PPP6R2: variants seen among roughly 807,000 people sequenced by gnomAD.
PPP6R2 encodes the protein protein phosphatase 6 regulatory subunit 2, also known as serine/threonine-protein phosphatase 6 regulatory subunit 2.
PPP6R2 carries 62 observed loss-of-function variants against 100.2 expected under a neutral mutation model. That is an observed-to-expected ratio of 0.62 (90% CI 0.50 to 0.76). PPP6R2 has a LOEUF of 0.76. Ranked by LOEUF, PPP6R2 falls within the 30% of genes least tolerant of loss-of-function variation. PPP6R2 has a pLI of 0.00. For synonymous variants in PPP6R2, 525 were observed against 514.7 expected (o/e 1.02, Z -0.27); for missense variants, 1,142 against 1,276.3 (o/e 0.89, Z 1.60).
At chr22:50,352,339 C>G (rs2045483663) in intron 1 of PPP6R2, among the ~76,000 whole-genome samples, 2 of 152,188 alleles carry the variant, frequency 1.3e-5, no homozygotes, top group South Asian at 2.1e-4. Flanking sequence ...TCTTCTGCAG[C>G]TTCGTCATCT....
chr22:50,356,958 C>T (rs1249574086), intron 1 of PPP6R2, among the ~76,000 whole-genome samples: 1 of 151,582 alleles, frequency 6.6e-6, no homozygotes, highest in Non-Finnish European at 1.5e-5. Context: ...AAAGCAAAAA[C>T]AAAACTTCCA....
chr22:50,432,555 C>T (rs937571631), intron 12 of PPP6R2, among the ~76,000 whole-genome samples: 16 of 152,158 alleles, frequency 1.1e-4, no homozygotes, highest in Non-Finnish European at 1.8e-4. Context: ...CGACAGGAAG[C>T]GGTCCCGTCC....
At chr22:50,400,100 G>A (rs535093445) in intron 3 of PPP6R2, among the ~76,000 whole-genome samples, 108 of 152,342 alleles carry the variant, frequency 7.1e-4, no homozygotes, top group Non-Finnish European at 1.3e-3. Flanking sequence ...CACCCAGTGG[G>A]AAGCAGCAGT....
At chr22:50,402,192 T>C (rs2058156963) in intron 3 of PPP6R2, among the ~76,000 whole-genome samples, 2 of 152,208 alleles carry the variant, frequency 1.3e-5, no homozygotes, top group African/African-American at 4.8e-5. Flanking sequence ...CACCACAGCT[T>C]AGAGGCCACT....
intron 22 of PPP6R2, chr22:50,443,568 A>G (rs1004172157): frequency 4.4e-6 from 2 of 454,830 alleles, no homozygotes. Flanking sequence ...ATAGCACAGG[A>G]GGCTCTGGGG....
chr22:50,334,096 A>T, the PPP6R2 span, among the ~76,000 whole-genome samples: 1 of 152,264 alleles, frequency 6.6e-6, no homozygotes, highest in African/African-American at 2.4e-5. Flanking sequence ...ACAGGGCGGA[A>T]CATGAAAGTG....
chr22:50,350,586 C>T (rs1480841785), intron 1 of PPP6R2, among the ~76,000 whole-genome samples: 1 of 151,798 alleles, frequency 6.6e-6, no homozygotes, highest in Non-Finnish European at 1.5e-5. Flanking sequence ...TGGCTCACGC[C>T]TGTAATCCCA....
At chr22:50,350,202 C>T (rs2044724395) in intron 1 of PPP6R2, among the ~76,000 whole-genome samples, 1 of 152,140 alleles carries the variant, frequency 6.6e-6, no homozygotes, top group Non-Finnish European at 1.5e-5. Context: ...TGCAGCAATT[C>T]AGTCACATCT....
intron 2 of PPP6R2, among the ~76,000 whole-genome samples, chr22:50,391,446 A>AAAG (rs2055516982): frequency 6.6e-6 from 1 of 151,270 alleles, no homozygotes; most frequent in South Asian, 2.1e-4. Flanking sequence ...AAAAAAAAAA[A>AAAG]AAAAAAAAAA....
At chr22:50,375,832 A>ATGTTTTTTTTTT (rs2051383369) in intron 2 of PPP6R2, among the ~76,000 whole-genome samples, 1 of 64,562 alleles carries the variant, frequency 1.5e-5, no homozygotes, top group East Asian at 4.7e-4. Flanking sequence ...ATCCCTGCAG[A>ATGTTTTTTTTTT]TTTTTTTTTT....
At chr22:50,440,313 G>A (rs1006298629) in intron 21 of PPP6R2, among the ~76,000 whole-genome samples, 2 of 152,248 alleles carry the variant, frequency 1.3e-5, no homozygotes, top group Admixed American at 6.5e-5. Flanking sequence ...CTGCACCCTG[G>A]ATTCCGGACA....
At chr22:50,405,495 A>G (rs112695819) in intron 3 of PPP6R2, among the ~76,000 whole-genome samples, 108 of 26,274 alleles carry the variant, frequency 4.1e-3, no homozygotes, top group East Asian at 6.4e-3. Flanking sequence ...GGCCTGGCAG[A>G]CGAGTGTGAA....
chr22:50,439,630 G>A (rs1372246319), intron 19 of PPP6R2, 71 bp from the exon 20 acceptor site: 2 of 1,445,620 alleles, frequency 1.4e-6, no homozygotes, highest in African/African-American at 2.9e-5. Context: ...CGGGGCAGGG[G>A]CGCTGCCTCC....
In PPP6R2 at chr22:50,418,932, G is replaced by C. The variant is rs767534916; in HGVS notation, c.684G>C (p.Gln228His). The C allele has an allele frequency of 1.5e-5, 24 of 1,613,836 alleles. No individual in the cohort carries two copies. The East Asian group carries it at 5.1e-4, about 34-fold the overall frequency. ...IVRLGRDQGS[Q>H]LQEALEPDPL... ...GGCTGGGCAGAGACCAGGGCAGTCAGCTGCAAGAGGCTCTGGAGCCAGACC... is the reference window on the plus strand; with the variant it reads ...GGCTGGGCAGAGACCAGGGCAGTCACCTGCAAGAGGCTCTGGAGCCAGACC... Residue 228 changes from glutamine (Q) to histidine (H), a missense_variant, in exon 7 of 24, where the codon CAG becomes CAC. Coordinates refer to ENST00000612753, the MANE Select transcript of PPP6R2 (RefSeq NM_001242898.2).
chr22:50,387,901 G>T (rs76136674), intron 2 of PPP6R2, among the ~76,000 whole-genome samples: 2,974 of 152,290 alleles, frequency 0.02, 108 homozygotes, highest in African/African-American at 0.068. Context: ...TCCCCACAGG[G>T]GATGTCGATG....
intron 11 of PPP6R2, 84 bp from the exon 12 acceptor site, chr22:50,432,181 G>A (rs1054991991): frequency 2.7e-5 from 35 of 1,289,944 alleles, no homozygotes; most frequent in Non-Finnish European, 3.8e-5. Flanking sequence ...CCGCCAGCCA[G>A]CCCTGCCCAG....
intron 10 of PPP6R2, among the ~76,000 whole-genome samples, chr22:50,424,593 G>A (rs2061808659): frequency 6.7e-6 from 1 of 148,830 alleles, no homozygotes; most frequent in Non-Finnish European, 1.5e-5. Context: ...CATCAGGGAA[G>A]CAATTACAAA....
intron 2 of PPP6R2, among the ~76,000 whole-genome samples, chr22:50,390,520 G>A (rs978119104): frequency 1.3e-5 from 2 of 152,084 alleles, no homozygotes; most frequent in Admixed American, 6.6e-5. Flanking sequence ...CAGGCCAGGC[G>A]TGGTGGTTCA....
At chr22:50,422,208 C>T in intron 8 of PPP6R2, 46 bp from the exon 9 acceptor site, 8 of 1,589,406 alleles carry the variant, frequency 5.0e-6, no homozygotes, top group Non-Finnish European at 6.9e-6. Flanking sequence ...TGAGGTTGGA[C>T]AGGGTCCTGG....
Sources: gnomAD v4.1 joint callset for allele counts (sites outside exome capture counted in the v4.1 genomes callset) on GRCh38, gnomAD v4.1.1 for gene constraint, MANE v1.5 for transcripts, NCBI Gene and HGNC (gene_info 2026-07-23, HGNC 2026-07-21) for gene names.